Variants in PLA2G4C observed in about 807,000 individuals in gnomAD.
PLA2G4C encodes the protein cytosolic phospholipase A2 gamma.
PLA2G4C carries 64 observed loss-of-function variants against 73.8 expected under a neutral mutation model. That is an observed-to-expected ratio of 0.87 (90% CI 0.71 to 1.07). PLA2G4C has a LOEUF of 1.07. Ranked by LOEUF, PLA2G4C falls within the 50% of genes least tolerant of loss-of-function variation. The pLI, the probability that PLA2G4C is intolerant of heterozygous loss-of-function variation, is 0.00. For synonymous variants in PLA2G4C, 254 were observed against 252.1 expected (o/e 1.01, Z -0.07); for missense variants, 622 against 665.4 (o/e 0.93, Z 0.72).
chr19:48,083,278 A>G (rs1370251372), intron 10 of PLA2G4C, among the ~76,000 whole-genome samples: 1 of 151,948 alleles, frequency 6.6e-6, no homozygotes, highest in Non-Finnish European at 1.5e-5. Flanking sequence ...TTTGATGTAT[A>G]TTTACATTTA....
At chr19:48,085,685 C>T (rs980119811) in intron 9 of PLA2G4C, among the ~76,000 whole-genome samples, 3 of 152,040 alleles carry the variant, frequency 2.0e-5, no homozygotes, top group Non-Finnish European at 4.4e-5. Flanking sequence ...CTGAAGGAAT[C>T]CACAGTCCCT....
At position 48,063,557 on chromosome 19, in the gene PLA2G4C, C is replaced by A. The variant is rs1968281851; in HGVS notation, c.1103-1405G>T. 2.3e-5 allele frequency among the ~76,000 whole-genome samples: 3 copies of A among 131,120 alleles called. No individual in the cohort carries two copies. The East Asian group carries it at 7.3e-4, about 32-fold the overall frequency. 86.0% of individuals were successfully genotyped at this position (131,120 alleles called of 152,430 possible). ...AAATAAAATGATAAGCCCCTCCCCC[C>A]CACCCCCATCCCTCCCGTCCCCCCG... On this transcript the variant is annotated intron_variant, in intron 13 of 16. Coordinates refer to ENST00000599921, the MANE Select transcript of PLA2G4C (RefSeq NM_003706.3).
At chr19:48,068,070 G>A (rs879556244) in intron 12 of PLA2G4C, 184 bp from the exon 13 acceptor site, 29 of 578,148 alleles carry the variant, frequency 5.0e-5, no homozygotes, top group Admixed American at 2.9e-4. Flanking sequence ...TTGGGAGGCC[G>A]AGGCAGAAGG....
At chr19:48,090,928 C>A (rs1434580223) in intron 7 of PLA2G4C, among the ~76,000 whole-genome samples, 1 of 151,880 alleles carries the variant, frequency 6.6e-6, no homozygotes, top group Non-Finnish European at 1.5e-5. Context: ...TCACTTGAGG[C>A]CAGGAGTTCA....
chr19:48,078,950 C>G (rs943598313), intron 10 of PLA2G4C, among the ~76,000 whole-genome samples: 3 of 149,742 alleles, frequency 2.0e-5, no homozygotes, highest in Non-Finnish European at 3.0e-5. Context: ...CTCACTGCAA[C>G]CTCTGCTTCC....
chr19:48,076,510 A>G (rs2030166811), intron 11 of PLA2G4C, among the ~76,000 whole-genome samples: 1 of 152,202 alleles, frequency 6.6e-6, no homozygotes, highest in South Asian at 2.1e-4. Context: ...TGGGAGGCCC[A>G]GGCAGGCAGA....
chr19:48,109,174 GA>G (rs2032368755), intron 1 of PLA2G4C, among the ~76,000 whole-genome samples: 1 of 150,480 alleles, frequency 6.6e-6, no homozygotes, highest in African/African-American at 2.5e-5. Context: ...CCCCCCTTAT[GA>G]AATTAATCAG....
In PLA2G4C at chr19:48,085,081, T is replaced by G; in HGVS notation, c.822A>C (p.Lys274Asn). The change falls in exon 10 of 17, where the codon AAA becomes AAC. Residue 274 changes from lysine to asparagine, a missense_variant. Transcript: ENST00000599921. ...CACCAAAAATAAGGTGTCCAATGCT[T>G]TTAGCATTAGCAACAGCCCTTCTCC... ...GLWRRAVANA[K>N]SIGHLIFARL... The G allele has an allele frequency of 1.2e-6, 2 of 1,611,922 alleles. No individual in the cohort carries two copies. The highest frequency in any genetic ancestry group is 1.7e-6 in the Non-Finnish European group (2 of 1,177,954).
chr19:48,088,768 A>G, intron 8 of PLA2G4C, 56 bp from the exon 9 acceptor site: 1 of 1,289,142 alleles, frequency 7.8e-7, no homozygotes, highest in Non-Finnish European at 1.1e-6. Flanking sequence ...GTCCCTAGTT[A>G]TAATATAAAA....
rs377585910 is a variant in PLA2G4C, at chr19:48,075,295, T to C, written c.899-421A>G. ...GCCTCCCAGTTTCAAGAAATTCCCC[T>C]GGCTCAGCCTCTGGAGTATCTGGGA... On this transcript the variant is annotated intron_variant, in intron 11 of 16. Transcript: ENST00000599921. 8.6e-5 allele frequency among the ~76,000 whole-genome samples: 13 copies of C among 151,888 alleles called. No homozygotes were observed. The South Asian group carries it at 2.1e-3, about 24-fold the overall frequency.
At chr19:48,066,010 C>G (rs1218613136) in intron 13 of PLA2G4C, among the ~76,000 whole-genome samples, 1 of 151,934 alleles carries the variant, frequency 6.6e-6, no homozygotes, top group East Asian at 1.9e-4. Context: ...TCGCTTAAAC[C>G]CAGGAGGCGG....
intron 7 of PLA2G4C, among the ~76,000 whole-genome samples, chr19:48,093,627 C>CCT (rs755247368): frequency 6.6e-6 from 1 of 152,172 alleles, no homozygotes; most frequent in East Asian, 1.9e-4. Context: ...CCTCTCTAGC[C>CCT]CTCTCTCTCA....
intron 7 of PLA2G4C, among the ~76,000 whole-genome samples, chr19:48,094,302 T>G (rs2031460514): frequency 6.6e-6 from 1 of 152,342 alleles, no homozygotes; most frequent in East Asian, 1.9e-4. Flanking sequence ...AATACATACT[T>G]ATTTTTGTGT....
chr19:48,107,178 G>T (rs547121372), intron 1 of PLA2G4C, among the ~76,000 whole-genome samples: 61 of 147,772 alleles, frequency 4.1e-4, no homozygotes, highest in African/African-American at 1.5e-3. Flanking sequence ...ACTTTGGTGG[G>T]CAAGGGGCTG....
At position 48,062,098 on chromosome 19, in the gene PLA2G4C, G is replaced by A. The variant is rs777155746; in HGVS notation, c.1157C>T (p.Ala386Val). The A allele has an allele frequency of 4.2e-5, 67 of 1,611,018 alleles. No individual in the cohort carries two copies. The highest frequency in any genetic ancestry group is 5.2e-5 in the Non-Finnish European group (61 of 1,178,438). The change falls in exon 14 of 17, where the codon GCT becomes GTT. Residue 386 changes from alanine to valine, a missense_variant. Physicochemically the swap from Ala to Val is moderately conservative, Grantham distance 64 (BLOSUM62 0). Transcript: ENST00000599921. The stretch of plus-strand genomic sequence containing the variant: ...GAAGGGAGTGTTGATGGCTAAACCA[G>A]CATCCACCAGGTGGAGGTGCTTCCG... ...SSRKHLHLVD[A>V]GLAINTPFPL... is the part of the protein sequence containing the mutation.
At chr19:48,102,929 A>G (rs1306092362) in intron 4 of PLA2G4C, among the ~76,000 whole-genome samples, 1 of 152,188 alleles carries the variant, frequency 6.6e-6, no homozygotes, top group Non-Finnish European at 1.5e-5. Flanking sequence ...CCACACTTAC[A>G]ATGCTCAACA....
chr19:48,051,648 G>A (rs768823389), intron 16 of PLA2G4C: 1 of 151,962 alleles, frequency 6.6e-6, no homozygotes, highest in African/African-American at 2.4e-5. Context: ...CACGAGAACA[G>A]CATAAGGGAA....
chr19:48,095,615 A>G lies in PLA2G4C; in HGVS notation c.569-11T>C, dbSNP rs1266790126. ...ACTCGAACCAGGTCTCTGCAGAGGA[A>G]ATACAACGGCAAGTGAGTCCCAGCA... is the stretch of plus-strand genomic sequence containing the variant. On this transcript the variant is annotated splice_polypyrimidine_tract_variant and intron_variant, in intron 6 of 16. Coordinates refer to ENST00000599921, the MANE Select transcript of PLA2G4C (RefSeq NM_003706.3). The G allele has an allele frequency of 1.2e-6, 2 of 1,613,868 alleles. No homozygotes were observed. Among genetic ancestry groups the G allele is most frequent in the Admixed American group, 1.7e-5 (1 of 60,020 alleles).
intron 12 of PLA2G4C, among the ~76,000 whole-genome samples, chr19:48,069,321 T>C (rs1246254782): frequency 1.3e-5 from 2 of 152,158 alleles, no homozygotes; most frequent in Non-Finnish European, 2.9e-5. Context: ...TTGTTCTCTT[T>C]AGGTTCATGG....
Sources: allele counts gnomAD v4.1 joint callset (sites outside exome capture counted in the v4.1 genomes callset), GRCh38; gene constraint gnomAD v4.1.1; transcripts MANE v1.5; gene names NCBI Gene and HGNC (gene_info 2026-07-23, HGNC 2026-07-21).